ANKS1B: variants seen among roughly 807,000 people sequenced by gnomAD.
ANKS1B encodes ankyrin repeat and sterile alpha motif domain containing 1B, also known as ankyrin repeat and sterile alpha motif domain-containing protein 1B.
In ANKS1B, 36 loss-of-function variants were observed where a neutral mutation model predicts 148.3. That is an observed-to-expected ratio of 0.24 (90% CI 0.19 to 0.32). The LOEUF (loss-of-function observed/expected upper bound fraction) is 0.32, where lower values mean the gene tolerates loss of function less well. Among genes scored for constraint, ANKS1B ranks in the 10% least tolerant of loss-of-function variants. The pLI is 1.00. For synonymous variants in ANKS1B, 542 were observed against 560.8 expected (o/e 0.97, Z 0.47); for missense variants, 1,157 against 1,542.6 (o/e 0.75, Z 4.19).
chr12:99,388,520 T>C (rs558375559), intron 12 of ANKS1B, among the ~76,000 whole-genome samples: 1 of 152,316 alleles, frequency 6.6e-6, no homozygotes, highest in Admixed American at 6.5e-5. Context: ...ACAGACACTC[T>C]CTTTCCAAAA....
At chr12:99,182,871 T>C (rs914626435) in intron 14 of ANKS1B, among the ~76,000 whole-genome samples, 4 of 152,222 alleles carry the variant, frequency 2.6e-5, no homozygotes, top group Non-Finnish European at 4.4e-5. Context: ...GGTGAGATGA[T>C]ATCTCATTGT....
chr12:99,816,596 CAA>C (rs780814887), intron 2 of ANKS1B, among the ~76,000 whole-genome samples: 8 of 151,538 alleles, frequency 5.3e-5, no homozygotes, highest in South Asian at 2.1e-4. Context: ...ACATCTTATT[CAA>C]AGATACCAGC....
At chr12:99,426,025 T>G (rs116120090) in intron 11 of ANKS1B, among the ~76,000 whole-genome samples, 276 of 152,298 alleles carry the variant, frequency 1.8e-3, no homozygotes, top group African/African-American at 6.2e-3. Context: ...TGTCTCTATC[T>G]TTTCATACAT....
intron 4 of ANKS1B, among the ~76,000 whole-genome samples, chr12:99,783,207 A>C (rs957552108): frequency 2.0e-5 from 3 of 150,970 alleles, no homozygotes; most frequent in Non-Finnish European, 4.4e-5. Flanking sequence ...AAAAAAAAAG[A>C]AAAGAAAAAG....
At chr12:99,183,537 G>T (rs994713267) in intron 14 of ANKS1B, among the ~76,000 whole-genome samples, 1 of 152,128 alleles carries the variant, frequency 6.6e-6, no homozygotes, top group Non-Finnish European at 1.5e-5. Flanking sequence ...CACCTACTTG[G>T]GAGGCTGAGG....
At chr12:99,283,446 G>T (rs2078731576) in intron 12 of ANKS1B, among the ~76,000 whole-genome samples, 1 of 152,118 alleles carries the variant, frequency 6.6e-6, no homozygotes, top group African/African-American at 2.4e-5. Flanking sequence ...TTTACTGTTT[G>T]TTCTCTTCCT....
intron 1 of ANKS1B, among the ~76,000 whole-genome samples, chr12:99,846,361 C>G (rs1030681495): frequency 2.0e-5 from 3 of 151,862 alleles, no homozygotes; most frequent in Admixed American, 2.0e-4. Context: ...ACATTTTATT[C>G]CTAATAGTCC....
intron 1 of ANKS1B, among the ~76,000 whole-genome samples, chr12:99,923,359 G>A (rs926191567): frequency 3.9e-5 from 6 of 152,206 alleles, no homozygotes; most frequent in Admixed American, 6.5e-5. Context: ...TGAGAACCAG[G>A]AAGAGTTTAA....
chr12:99,661,438 T>C (rs776831940), intron 8 of ANKS1B, among the ~76,000 whole-genome samples: 8 of 152,220 alleles, frequency 5.3e-5, no homozygotes, highest in Non-Finnish European at 1.2e-4. Context: ...CTTCTCCCTG[T>C]ACCCGTTTAC....
chr12:99,683,313 C>G (rs1457889890), intron 8 of ANKS1B, among the ~76,000 whole-genome samples: 1 of 151,862 alleles, frequency 6.6e-6, no homozygotes, highest in Non-Finnish European at 1.5e-5. Context: ...ATAGATATCA[C>G]AGAAATAGAA....
intron 1 of ANKS1B, among the ~76,000 whole-genome samples, chr12:99,869,600 G>A (rs112688588): frequency 1.7e-3 from 258 of 151,738 alleles, no homozygotes; most frequent in African/African-American, 6.0e-3. Flanking sequence ...AGAATCACTT[G>A]AACCCGAGAG....
At chr12:98,763,703 T>C (rs1002255844) in intron 25 of ANKS1B, among the ~76,000 whole-genome samples, 2 of 152,242 alleles carry the variant, frequency 1.3e-5, no homozygotes, top group Non-Finnish European at 2.9e-5. Flanking sequence ...TAAATATGAA[T>C]TTAAAAACTA....
intron 14 of ANKS1B, among the ~76,000 whole-genome samples, chr12:99,182,879 T>C (rs1453410378): frequency 6.6e-6 from 1 of 152,240 alleles, no homozygotes; most frequent in Non-Finnish European, 1.5e-5. Flanking sequence ...GATATCTCAT[T>C]GTGGTTCTGA....
chr12:99,133,826 G>A (rs2066995856), intron 15 of ANKS1B, among the ~76,000 whole-genome samples: 1 of 152,122 alleles, frequency 6.6e-6, no homozygotes, highest in Non-Finnish European at 1.5e-5. Flanking sequence ...TAATAGCAAC[G>A]ATGATAACTA....
intron 8 of ANKS1B, among the ~76,000 whole-genome samples, chr12:99,725,197 A>C (rs2153560049): frequency 6.6e-6 from 1 of 152,356 alleles, no homozygotes; most frequent in Admixed American, 6.5e-5. Context: ...CCCCAGTTAA[A>C]AGACACAGAC....
intron 1 of ANKS1B, among the ~76,000 whole-genome samples, chr12:99,949,083 T>C (rs559009979): frequency 1.3e-5 from 2 of 152,310 alleles, no homozygotes; most frequent in African/African-American, 4.8e-5. Context: ...GAAATATTTA[T>C]ACATGAGAAA....
intron 16 of ANKS1B, among the ~76,000 whole-genome samples, chr12:99,078,429 T>C (rs1323613334): frequency 2.6e-5 from 4 of 152,234 alleles, no homozygotes; most frequent in Non-Finnish European, 5.9e-5. Context: ...GTTCAGGTTA[T>C]GAAGTGATTA....
At chr12:99,913,599 C>T (rs554521676) in intron 1 of ANKS1B, among the ~76,000 whole-genome samples, 7 of 152,106 alleles carry the variant, frequency 4.6e-5, no homozygotes, top group Non-Finnish European at 8.8e-5. Flanking sequence ...AAAATAACTG[C>T]ACTGCAGGAC....
rs771542531 is a variant in ANKS1B at position 99,648,340 on chromosome 12, AGAG to A, written c.1272+6724_1272+6726del. On this transcript the variant is annotated intron_variant, in intron 9 of 26. Coordinates refer to ENST00000683438, the MANE Select transcript of ANKS1B (RefSeq NM_001352186.2). ...GAGCGACTTTATCCAGATCAGCAAA[AGAG>A]GAGAAGTGATTGACGTGCACAACCG... is the stretch of plus-strand genomic sequence containing the variant. 31 of 1,614,038 alleles carry A rather than the reference AGAG, an allele frequency of 1.9e-5. No individual in the cohort carries two copies. The Middle Eastern group carries it at 6.6e-4, about 34-fold the overall frequency.
Sources: gnomAD v4.1 joint callset for allele counts (sites outside exome capture counted in the v4.1 genomes callset) on GRCh38, gnomAD v4.1.1 for gene constraint, MANE v1.5 for transcripts, NCBI Gene and HGNC (gene_info 2026-07-23, HGNC 2026-07-21) for gene names.